The following NBAS variants were observed in gnomAD, a reference collection of about 807,000 sequenced individuals.
The protein encoded by NBAS is NBAS subunit of NRZ tethering complex, also known as NAG/BC035112 fusion.
A neutral mutation model predicts 302.5 loss-of-function variants in NBAS; 219 were observed. The ratio of observed to expected loss-of-function variants is 0.72; its 90% CI spans 0.65 to 0.81. NBAS has a LOEUF of 0.81. Among genes scored for constraint, NBAS ranks in the 30% least tolerant of loss-of-function variants. NBAS has a pLI of 0.00. For missense variants in NBAS, 2,932 were observed against 2,841.6 expected (o/e 1.03, Z -0.72); for synonymous variants, 1,118 against 1,021.6 (o/e 1.09, Z -1.80).
At chr2:15,492,525 C>T (rs370419970) in intron 11 of NBAS, among the ~76,000 whole-genome samples, 5 of 152,154 alleles carry the variant, frequency 3.3e-5, no homozygotes, top group Admixed American at 6.5e-5. Flanking sequence ...GGCACGATCT[C>T]GGTTCACTGC....
chr2:15,435,625 C>T (rs376466804), intron 21 of NBAS, among the ~76,000 whole-genome samples: 22 of 152,294 alleles, frequency 1.4e-4, no homozygotes, highest in African/African-American at 3.1e-4. Flanking sequence ...CCAGAGTCTA[C>T]GCTCTCAGCC....
At chr2:15,378,189 A>C (rs1248106141) in intron 30 of NBAS, among the ~76,000 whole-genome samples, 1 of 152,206 alleles carries the variant, frequency 6.6e-6, no homozygotes, top group African/African-American at 2.4e-5. Context: ...AGTTGCCTTG[A>C]GGCGGAAAAA....
At chr2:15,182,133 C>T (rs541417126) in intron 50 of NBAS, among the ~76,000 whole-genome samples, 10 of 152,324 alleles carry the variant, frequency 6.6e-5, no homozygotes, top group South Asian at 2.1e-4. Context: ...GGCACTGCAG[C>T]GGCTTTGGTT....
At chr2:14,923,538 C>T in the NBAS span, among the ~76,000 whole-genome samples, 632 of 152,304 alleles carry the variant, frequency 4.1e-3, 18 homozygotes, top group Admixed American at 0.039. Context: ...AAGGCCCCTG[C>T]TCACATGGAG....
At chr2:15,106,451 G>GTCTCTCTC in the NBAS span, among the ~76,000 whole-genome samples, 7,782 of 147,874 alleles carry the variant, frequency 0.053, 221 homozygotes, top group Non-Finnish European at 0.062. Flanking sequence ...CTCTGTCTCT[G>GTCTCTCTC]TCTCTCTCTC....
chr2:15,507,892 A>G (rs1300526531), intron 10 of NBAS, among the ~76,000 whole-genome samples: 1 of 152,230 alleles, frequency 6.6e-6, no homozygotes, highest in Non-Finnish European at 1.5e-5. Flanking sequence ...TGAATTTTGC[A>G]CAGTCTGTTT....
intron 42 of NBAS, among the ~76,000 whole-genome samples, chr2:15,277,375 T>C (rs2148060532): frequency 6.6e-6 from 1 of 152,302 alleles, no homozygotes; most frequent in South Asian, 2.1e-4. Flanking sequence ...GTTCCTGCAG[T>C]TGGGAGAGCT....
At chr2:15,472,872 T>C (rs763566332) in intron 16 of NBAS, among the ~76,000 whole-genome samples, 2 of 152,222 alleles carry the variant, frequency 1.3e-5, no homozygotes, top group South Asian at 4.1e-4. Flanking sequence ...ATTCTCCATA[T>C]TGTAAATTTC....
At chr2:14,801,701 T>C in the NBAS span, among the ~76,000 whole-genome samples, 3 of 152,198 alleles carry the variant, frequency 2.0e-5, no homozygotes, top group Non-Finnish European at 4.4e-5. Context: ...TAATTTTTTA[T>C]TGAATTTCAT....
intron 32 of NBAS, among the ~76,000 whole-genome samples, chr2:15,357,788 G>A (rs930780196): frequency 3.9e-5 from 6 of 152,148 alleles, no homozygotes; most frequent in East Asian, 3.8e-4. Flanking sequence ...ATCACTATGA[G>A]ATACATAGGA....
At chr2:15,094,323 C>T in the NBAS span, among the ~76,000 whole-genome samples, 1 of 152,194 alleles carries the variant, frequency 6.6e-6, no homozygotes, top group Admixed American at 6.5e-5. Flanking sequence ...CTTTTTATGA[C>T]ATCTCCATAA....
chr2:15,025,996 C>T, the NBAS span, among the ~76,000 whole-genome samples: 6 of 152,122 alleles, frequency 3.9e-5, no homozygotes. Context: ...ACTTGTAATA[C>T]CACATTGAAT....
At chr2:15,234,400 A>T (rs1173535276) in intron 46 of NBAS, 145 bp downstream of exon 46, 32 of 801,162 alleles carry the variant, frequency 4.0e-5, no homozygotes, top group Non-Finnish European at 6.3e-5. Context: ...AAGACATAAG[A>T]CTATGAGAAC....
intron 21 of NBAS, among the ~76,000 whole-genome samples, chr2:15,432,578 G>A (rs1221169654): frequency 6.6e-6 from 1 of 152,096 alleles, no homozygotes; most frequent in Non-Finnish European, 1.5e-5. Context: ...TTTTATTCAT[G>A]TTCTATGCCT....
chr2:15,372,965 C>A (rs1381233955), intron 31 of NBAS, among the ~76,000 whole-genome samples: 1 of 152,160 alleles, frequency 6.6e-6, no homozygotes, highest in Non-Finnish European at 1.5e-5. Flanking sequence ...CACAGACACA[C>A]AGGCACACAC....
intron 27 of NBAS, 42 bp from the exon 28 acceptor site, chr2:15,394,391 CA>C: frequency 1.2e-6 from 2 of 1,603,428 alleles, no homozygotes; most frequent in Non-Finnish European, 8.5e-7. Context: ...TGCTACCAAA[CA>C]AAAAGAGTCT....
intron 51 of NBAS, chr2:15,178,233 A>G (rs1377648863): frequency 2.0e-5 from 9 of 458,634 alleles, no homozygotes; most frequent in Non-Finnish European, 8.9e-6. Context: ...ATGTAAAATT[A>G]CATATGTGTG....
At chr2:14,784,485 A>G in the NBAS span, among the ~76,000 whole-genome samples, 3 of 152,232 alleles carry the variant, frequency 2.0e-5, no homozygotes, top group East Asian at 1.9e-4. Context: ...ATCTTGAATT[A>G]ATTTTTGTAT....
At chr2:14,991,123 G>T in the NBAS span, among the ~76,000 whole-genome samples, 2 of 152,106 alleles carry the variant, frequency 1.3e-5, no homozygotes, top group South Asian at 4.2e-4. Context: ...GGCCAACCCT[G>T]GTGTGCACAT....
Sources: gnomAD v4.1 joint callset for allele counts (sites outside exome capture counted in the v4.1 genomes callset) on GRCh38, gnomAD v4.1.1 for gene constraint, MANE v1.5 for transcripts, NCBI Gene and HGNC (gene_info 2026-07-23, HGNC 2026-07-21) for gene names.